Variants in ASB7 observed in about 807,000 individuals in gnomAD.
The protein encoded by ASB7 is ankyrin repeat and SOCS box containing 7.
In ASB7, 4 loss-of-function variants were observed where a neutral mutation model predicts 32.5. That is an observed-to-expected ratio of 0.12 (90% CI 0.06 to 0.28). The LOEUF (loss-of-function observed/expected upper bound fraction) is 0.28, where lower values mean the gene tolerates loss of function less well. Among genes scored for constraint, ASB7 ranks in the 10% least tolerant of loss-of-function variants. The pLI is 1.00. For missense variants in ASB7, 181 were observed against 407.1 expected, an observed-to-expected ratio of 0.44 and a Z score of 4.78; for synonymous variants, 172 against 155.6, an observed-to-expected ratio of 1.11 and a Z score of -0.78.
intron 5 of ASB7, among the ~76,000 whole-genome samples, chr15:100,636,291 T>C (rs1290814917): frequency 2.0e-5 from 3 of 152,198 alleles, no homozygotes; most frequent in Admixed American, 1.3e-4. Context: ...TTTGTTCAGG[T>C]TTTTTGTCTT....
At chr15:100,607,007 G>GT (rs2039650763) in intron 2 of ASB7, among the ~76,000 whole-genome samples, 2 of 152,154 alleles carry the variant, frequency 1.3e-5, no homozygotes, top group Non-Finnish European at 2.9e-5. Flanking sequence ...ACATGAATTA[G>GT]CCGGGTGTGG....
intron 2 of ASB7, among the ~76,000 whole-genome samples, chr15:100,603,923 C>G (rs1233546437): frequency 6.6e-6 from 1 of 152,158 alleles, no homozygotes; most frequent in Non-Finnish European, 1.5e-5. Context: ...CATTATTACC[C>G]TGAAGCACTT....
intron 4 of ASB7, among the ~76,000 whole-genome samples, chr15:100,618,436 A>G (rs896268072): frequency 2.0e-5 from 3 of 152,172 alleles, no homozygotes; most frequent in African/African-American, 4.8e-5. Flanking sequence ...TAATTTCTTT[A>G]AAAGTTTGTG....
chr15:100,615,559 A>G (rs1476465722), intron 4 of ASB7, among the ~76,000 whole-genome samples: 1 of 152,142 alleles, frequency 6.6e-6, no homozygotes, highest in Non-Finnish European at 1.5e-5. Context: ...TGTTTTTTGA[A>G]AAGGTAGTGC....
chr15:100,637,511 A>C (rs747292519), intron 5 of ASB7, among the ~76,000 whole-genome samples: 51 of 152,196 alleles, frequency 3.4e-4, no homozygotes, highest in Non-Finnish European at 6.0e-4. Flanking sequence ...GATCCACATA[A>C]CCCAATGAAC....
intron 5 of ASB7, among the ~76,000 whole-genome samples, chr15:100,644,564 G>A (rs1038550632): frequency 2.0e-5 from 3 of 152,196 alleles, no homozygotes; most frequent in Non-Finnish European, 2.9e-5. Flanking sequence ...GCCGAGTACC[G>A]TGTCAGCAGT....
At chr15:100,639,731 A>G (rs1381984005) in intron 5 of ASB7, among the ~76,000 whole-genome samples, 1 of 152,226 alleles carries the variant, frequency 6.6e-6, no homozygotes, top group Non-Finnish European at 1.5e-5. Context: ...CCAGTTATTA[A>G]GAATCACTTT....
intron 4 of ASB7, among the ~76,000 whole-genome samples, chr15:100,618,319 T>C (rs920000014): frequency 6.6e-6 from 1 of 151,994 alleles, no homozygotes; most frequent in Non-Finnish European, 1.5e-5. Flanking sequence ...TTCACCATGT[T>C]GGCTAGGCTG....
intron 2 of ASB7, among the ~76,000 whole-genome samples, chr15:100,607,108 G>A (rs980014246): frequency 7.3e-5 from 11 of 150,152 alleles, no homozygotes; most frequent in Non-Finnish European, 1.3e-4. Context: ...AGCCGAGATC[G>A]CACCACTGCA....
intron 4 of ASB7, among the ~76,000 whole-genome samples, chr15:100,626,079 A>G (rs984161549): frequency 3.3e-5 from 5 of 152,350 alleles, no homozygotes; most frequent in South Asian, 2.1e-4. Flanking sequence ...CTTTGTGACA[A>G]TGCATTGAGC....
At chr15:100,642,953 T>G (rs902484432) in intron 5 of ASB7, among the ~76,000 whole-genome samples, 2 of 152,218 alleles carry the variant, frequency 1.3e-5, no homozygotes, top group African/African-American at 4.8e-5. Context: ...GGAGAATCGC[T>G]TGAACCCTGG....
At chr15:100,633,616 GGAAAGAAA>G (rs199748786) in intron 5 of ASB7, among the ~76,000 whole-genome samples, 1 of 150,414 alleles carries the variant, frequency 6.6e-6, no homozygotes, top group South Asian at 2.1e-4. Context: ...AAGGGGAAAG[GGAAAGAAA>G]GGAAGAAAGG....
chr15:100,606,367 T>C (rs1370779606), intron 2 of ASB7, among the ~76,000 whole-genome samples: 1 of 152,216 alleles, frequency 6.6e-6, no homozygotes, highest in East Asian at 1.9e-4. Context: ...TTTGCATCAC[T>C]TAATCAGAAA....
intron 4 of ASB7, among the ~76,000 whole-genome samples, chr15:100,614,422 C>T (rs1307730679): frequency 6.6e-6 from 1 of 152,012 alleles, no homozygotes; most frequent in Non-Finnish European, 1.5e-5. Context: ...TTTTTAATAG[C>T]AGGAGTCTGC....
At chr15:100,643,883 C>T (rs1379511355) in intron 5 of ASB7, among the ~76,000 whole-genome samples, 1 of 152,074 alleles carries the variant, frequency 6.6e-6, no homozygotes, top group Non-Finnish European at 1.5e-5. Flanking sequence ...TTAAGTATGC[C>T]TGTATACACA....
At chr15:100,607,613 C>G (rs1475223429) in intron 2 of ASB7, among the ~76,000 whole-genome samples, 1 of 152,140 alleles carries the variant, frequency 6.6e-6, no homozygotes, top group African/African-American at 2.4e-5. Flanking sequence ...GTTTATAGCA[C>G]TTGGTATTTT....
intron 5 of ASB7, among the ~76,000 whole-genome samples, chr15:100,632,498 T>C (rs1463115342): frequency 6.6e-6 from 1 of 152,242 alleles, no homozygotes; most frequent in Non-Finnish European, 1.5e-5. Context: ...AAGGAGCAGC[T>C]GTGGCTGATG....
At chr15:100,642,103 A>G (rs146608964) in intron 5 of ASB7, among the ~76,000 whole-genome samples, 1 of 152,340 alleles carries the variant, frequency 6.6e-6, no homozygotes, top group African/African-American at 2.4e-5. Context: ...AACAACACAC[A>G]TTTAAAGGAA....
intron 4 of ASB7, among the ~76,000 whole-genome samples, chr15:100,619,327 A>G (rs1328193606): frequency 6.6e-6 from 1 of 152,252 alleles, no homozygotes; most frequent in African/African-American, 2.4e-5. Flanking sequence ...AATTTATTGT[A>G]GGGACATTGG....
Sources: gnomAD v4.1 joint callset for allele counts (sites outside exome capture counted in the v4.1 genomes callset) on GRCh38, gnomAD v4.1.1 for gene constraint, MANE v1.5 for transcripts, NCBI Gene and HGNC (gene_info 2026-07-23, HGNC 2026-07-21) for gene names.